The following RPH3A variants were observed in gnomAD, a reference collection of about 807,000 sequenced individuals.
RPH3A encodes rabphilin 3A.
A neutral mutation model predicts 102.2 loss-of-function variants in RPH3A; 48 were observed. That is an observed-to-expected ratio of 0.47 (90% CI 0.37 to 0.60). The LOEUF is 0.60. Among genes scored for constraint, RPH3A ranks in the 20% least tolerant of loss-of-function variants. The probability of loss-of-function intolerance (pLI) is 0.00; values close to 1 mark genes in which losing one functional copy is unlikely to be tolerated. For synonymous variants in RPH3A, 310 were observed against 324.3 expected (o/e 0.96, Z 0.47); for missense variants, 781 against 910.1 (o/e 0.86, Z 1.83).
intron 1 of RPH3A, among the ~76,000 whole-genome samples, chr12:112,635,620 T>C (rs901146709): frequency 1.2e-4 from 19 of 152,250 alleles, no homozygotes; most frequent in African/African-American, 4.3e-4. Context: ...TAGTAGAAAA[T>C]ATAATGATGT....
intron 5 of RPH3A, among the ~76,000 whole-genome samples, chr12:112,860,758 C>A (rs1323971807): frequency 6.6e-6 from 1 of 152,162 alleles, no homozygotes; most frequent in African/African-American, 2.4e-5. Flanking sequence ...AAGCGGCCCA[C>A]TCTCTCTGTG....
chr12:112,877,477 G>A (rs1162053984), intron 13 of RPH3A, among the ~76,000 whole-genome samples: 5 of 143,030 alleles, frequency 3.5e-5, no homozygotes, highest in African/African-American at 1.4e-4. Flanking sequence ...ATTTCCCCCC[G>A]CTAACCCTGG....
intron 1 of RPH3A, among the ~76,000 whole-genome samples, chr12:112,701,045 A>G (rs1174491643): frequency 6.6e-6 from 1 of 152,116 alleles, no homozygotes; most frequent in Non-Finnish European, 1.5e-5. Flanking sequence ...TTCCTCCCAG[A>G]CCTACTCCTC....
intron 1 of RPH3A, among the ~76,000 whole-genome samples, chr12:112,764,923 G>A (rs955567318): frequency 1.3e-5 from 2 of 151,972 alleles, no homozygotes; most frequent in African/African-American, 4.8e-5. Context: ...AATACTTAAC[G>A]TGATGTCTAT....
intron 5 of RPH3A, among the ~76,000 whole-genome samples, chr12:112,850,290 G>A (rs2042302623): frequency 6.6e-6 from 1 of 152,014 alleles, no homozygotes; most frequent in Non-Finnish European, 1.5e-5. Context: ...CAAAGTACAT[G>A]CTTAATAAAT....
intron 1 of RPH3A, among the ~76,000 whole-genome samples, chr12:112,653,352 ACAGCGAGACTC>A (rs2039989693): frequency 6.7e-6 from 1 of 150,142 alleles, no homozygotes. Flanking sequence ...CCTGGGTGAC[ACAGCGAGACTC>A]CATCTAAAAA....
chr12:112,883,214 A>T, intron 15 of RPH3A, 79 bp from the exon 16 acceptor site: 1 of 1,080,156 alleles, frequency 9.3e-7, no homozygotes. Flanking sequence ...CACCCACCCC[A>T]CGTCAGCCCA....
At chr12:112,832,136 G>GTT (rs2041980488) in intron 3 of RPH3A, among the ~76,000 whole-genome samples, 1 of 151,974 alleles carries the variant, frequency 6.6e-6, no homozygotes, top group Non-Finnish European at 1.5e-5. Context: ...TTGAGTTGGG[G>GTT]TCTTGCTCTG....
chr12:112,701,521 C>T (rs1592951764), intron 1 of RPH3A, among the ~76,000 whole-genome samples: 1 of 152,212 alleles, frequency 6.6e-6, no homozygotes, highest in African/African-American at 2.4e-5. Flanking sequence ...TATCCTATGA[C>T]AGAAGGCACT....
At chr12:112,839,351 G>C (rs1457501483) in intron 4 of RPH3A, among the ~76,000 whole-genome samples, 1 of 151,214 alleles carries the variant, frequency 6.6e-6, no homozygotes, top group Non-Finnish European at 1.5e-5. Flanking sequence ...ATCAACTTTC[G>C]CTGTGTAACA....
chr12:112,610,571 C>T (rs1052930893), intron 1 of RPH3A, among the ~76,000 whole-genome samples: 4 of 151,046 alleles, frequency 2.6e-5, no homozygotes, highest in South Asian at 2.1e-4. Flanking sequence ...AGTCCCTCTG[C>T]AGTCCATTAT....
chr12:112,877,637 A>T (rs1206090966), intron 13 of RPH3A, among the ~76,000 whole-genome samples: 4 of 152,182 alleles, frequency 2.6e-5, no homozygotes, highest in African/African-American at 9.7e-5. Flanking sequence ...AAGGGCTGTG[A>T]CCAGCAACAC....
At chr12:112,767,823 A>C (rs2040900936) in intron 1 of RPH3A, among the ~76,000 whole-genome samples, 1 of 152,182 alleles carries the variant, frequency 6.6e-6, no homozygotes, top group Non-Finnish European at 1.5e-5. Flanking sequence ...ATCACGATGA[A>C]CCTTAAAAAA....
chr12:112,750,031 G>A (rs2040775980), intron 1 of RPH3A, among the ~76,000 whole-genome samples: 1 of 152,128 alleles, frequency 6.6e-6, no homozygotes, highest in African/African-American at 2.4e-5. Flanking sequence ...GTTTCCAAAC[G>A]AAGGGGGCCT....
At chr12:112,866,898 G>A in intron 7 of RPH3A, 58 bp downstream of exon 7, 1 of 1,387,170 alleles carries the variant, frequency 7.2e-7, no homozygotes, top group Non-Finnish European at 1.0e-6. Context: ...GCCAGCTTAA[G>A]AGGTGCCTTA....
chr12:112,714,091 A>G (rs183182396), intron 1 of RPH3A, among the ~76,000 whole-genome samples: 65 of 152,238 alleles, frequency 4.3e-4, no homozygotes, highest in Non-Finnish European at 6.5e-4. Flanking sequence ...TCTGGTCTCT[A>G]ATAAGTGCTC....
At chr12:112,893,731 G>T (rs919202437) in intron 19 of RPH3A, 1 of 152,232 alleles carries the variant, frequency 6.6e-6, no homozygotes, top group Non-Finnish European at 1.5e-5. Flanking sequence ...CTCTCGCTAT[G>T]TTGCCCAGGC....
chr12:112,828,403 T>G lies in RPH3A; in HGVS notation c.71+14T>G. The G allele has an allele frequency of 1.3e-6, 2 of 1,596,424 alleles. No individual in the cohort carries two copies. Among genetic ancestry groups the G allele is most frequent in the Non-Finnish European group, 1.7e-6 (2 of 1,170,242 alleles). Reference sequence around the variant, plus strand: ...CCTTCAATCAAAGTAAGTTGCTGCATCTTCCTGGGAGTGGCTTGTTTTGAG... The same window carrying G: ...CCTTCAATCAAAGTAAGTTGCTGCAGCTTCCTGGGAGTGGCTTGTTTTGAG... On this transcript the variant is annotated intron_variant, in intron 3 of 21. Coordinates refer to ENST00000389385, the MANE Select transcript of RPH3A (RefSeq NM_001143854.2).
intron 1 of RPH3A, among the ~76,000 whole-genome samples, chr12:112,750,814 C>T (rs2040781237): frequency 6.6e-6 from 1 of 152,138 alleles, no homozygotes; most frequent in African/African-American, 2.4e-5. Context: ...AGGGGGAGCA[C>T]ATGGACAAGT....
Sources: allele counts gnomAD v4.1 joint callset (sites outside exome capture counted in the v4.1 genomes callset), GRCh38; gene constraint gnomAD v4.1.1; transcripts MANE v1.5; gene names NCBI Gene and HGNC (gene_info 2026-07-23, HGNC 2026-07-21).